The following UGT1A5 variants were observed in gnomAD, a reference collection of about 807,000 sequenced individuals.
UGT1A5 encodes UDP glucuronosyltransferase family 1 member A5.
UGT1A5 carries 29 observed loss-of-function variants against 40.3 expected under a neutral mutation model. The ratio of observed to expected loss-of-function variants is 0.72; its 90% CI spans 0.54 to 0.98. The LOEUF (loss-of-function observed/expected upper bound fraction) is 0.98. Among genes scored for constraint, UGT1A5 ranks in the 50% least tolerant of loss-of-function variants. UGT1A5 has a pLI of 0.00. For missense variants in UGT1A5, 678 were observed against 677.9 expected (o/e 1.00, Z 0.00); for synonymous variants, 257 against 262.5 (o/e 0.98, Z 0.20).
intron 1 of UGT1A5, chr2:233,719,286 C>A (rs1465114425): frequency 1.2e-6 from 2 of 1,614,082 alleles, no homozygotes; most frequent in Non-Finnish European, 1.7e-6. Context: ...CCCCGTTAAC[C>A]TCTGTGGGGC....
rs1208315583 is a variant in UGT1A5, at chr2:233,737,341, G to A, written c.867+23483G>A. 7.9e-5 allele frequency among the ~76,000 whole-genome samples: 12 copies of A among 152,224 alleles called. No homozygotes were observed. In the East Asian group the frequency reaches 2.1e-3, roughly 27 times the overall value. On this transcript the variant is annotated intron_variant, in intron 1 of 4. Coordinates refer to ENST00000373414, the MANE Select transcript of UGT1A5 (RefSeq NM_019078.2). ...CTGCACTAGCAGTGAGCAAGGCTCCGTGGGCATGGGAGCTGCTAAGCCAGG... is the reference window on the plus strand; with the variant it reads ...CTGCACTAGCAGTGAGCAAGGCTCCATGGGCATGGGAGCTGCTAAGCCAGG...
intron 1 of UGT1A5, chr2:233,718,781 G>A (rs767988524): frequency 3.7e-6 from 6 of 1,612,904 alleles, no homozygotes; most frequent in Non-Finnish European, 4.2e-6. Flanking sequence ...AGCAGGCACA[G>A]CGTGGGGTGG....
rs1326860704 is a variant in UGT1A5 at position 233,769,636 on chromosome 2, G to A, written c.1307+1197G>A. ...AGCTTGAGCAAGGGACAACAGGGGA[G>A]GACTGATGACTGACTTCCCACCTTT... On this transcript the variant is annotated intron_variant, in intron 4 of 4. Coordinates refer to ENST00000373414, the MANE Select transcript of UGT1A5 (RefSeq NM_019078.2). This position sits in a 1 kb window ranked among gnomAD's most constrained non-coding sequence, Gnocchi z 4.4. 6.8e-6 allele frequency: 11 copies of A among 1,610,668 alleles called. No homozygotes were observed. Among genetic ancestry groups the A allele is most frequent in the Non-Finnish European group, 8.5e-6 (10 of 1,178,970 alleles).
At chr2:233,736,661 C>T (rs568296788) in intron 1 of UGT1A5, among the ~76,000 whole-genome samples, 1 of 152,264 alleles carries the variant, frequency 6.6e-6, no homozygotes, top group Admixed American at 6.5e-5. Flanking sequence ...GTTTTATGTA[C>T]CTTAGGTCTT....
chr2:233,734,202 G>T (rs1345683418), intron 1 of UGT1A5, among the ~76,000 whole-genome samples: 1 of 152,060 alleles, frequency 6.6e-6, no homozygotes, highest in Non-Finnish European at 1.5e-5. Context: ...CAATTTCAGA[G>T]CCTGTTGTTG....
At position 233,713,507 on chromosome 2, in the gene UGT1A5, C is replaced by T. The variant is rs113654637; in HGVS notation, c.516C>T (p.Phe172=). ...AKYLSIPAVF[F]LRNIPCDLDF... ...ACCTGTCGATTCCTGCTGTGTTTTT[C>T]TTGAGGAACATTCCATGTGATTTAG... The change falls in exon 1 of 5, where the codon TTC becomes TTT. Residue 172 remains phenylalanine (F), a synonymous_variant. Coordinates refer to ENST00000373414, the MANE Select transcript of UGT1A5 (RefSeq NM_019078.2). 65 of 1,613,816 alleles carry T rather than the reference C, an allele frequency of 4.0e-5. No homozygotes were observed. Among genetic ancestry groups the T allele is most frequent in the Admixed American group, 2.7e-4 (16 of 59,982 alleles).
chr2:233,746,953 T>A (rs984665888), intron 1 of UGT1A5, among the ~76,000 whole-genome samples: 1 of 151,790 alleles, frequency 6.6e-6, no homozygotes, highest in Non-Finnish European at 1.5e-5. Context: ...AACAAGAGCT[T>A]GAACTTGGAT....
chr2:233,723,624 C>T (rs1286064208), intron 1 of UGT1A5, among the ~76,000 whole-genome samples: 6 of 104,762 alleles, frequency 5.7e-5, no homozygotes, highest in Admixed American at 2.0e-4. Context: ...GGAAGGTCAG[C>T]AGATAAACAA....
At chr2:233,716,367 TG>T (rs1364638273) in intron 1 of UGT1A5, among the ~76,000 whole-genome samples, 9 of 152,348 alleles carry the variant, frequency 5.9e-5, no homozygotes, top group African/African-American at 2.2e-4. Flanking sequence ...TTTGTGGGGC[TG>T]TGATTCTGCC....
At chr2:233,729,415 A>G (rs914222718) in intron 1 of UGT1A5, 1 of 1,613,668 alleles carries the variant, frequency 6.2e-7, no homozygotes. Flanking sequence ...GCTGGGCCAC[A>G]CTCAACTGTA....
intron 1 of UGT1A5, chr2:233,719,510 T>G: frequency 6.2e-7 from 1 of 1,614,000 alleles, no homozygotes. Flanking sequence ...TTTCTGCCCC[T>G]TATGCAAGTC....
intron 1 of UGT1A5, among the ~76,000 whole-genome samples, chr2:233,764,509 G>A (rs1698579622): frequency 6.6e-6 from 1 of 152,192 alleles, no homozygotes; most frequent in Non-Finnish European, 1.5e-5. Flanking sequence ...GTTCAATTTT[G>A]TGTGAATCAC....
rs1699290986 is a variant in UGT1A5 at position 233,766,960 on chromosome 2, A to T, written c.868-74A>T. 4.4e-6 allele frequency: 7 copies of T among 1,607,258 alleles called. No homozygotes were observed. The South Asian group carries it at 7.8e-5, about 18-fold the overall frequency. On this transcript the variant is annotated intron_variant, in intron 1 of 4. Transcript: ENST00000373414. ...CATAGTCTTAAGAGGAAGATATCTA[A>T]TTCATAACTTACTGTATGTAGTCAT...
chr2:233,765,286 A>G (rs1698795381), intron 1 of UGT1A5, among the ~76,000 whole-genome samples: 1 of 152,246 alleles, frequency 6.6e-6, no homozygotes. Flanking sequence ...AAATTATTCT[A>G]CTATAAAGAC....
intron 1 of UGT1A5, among the ~76,000 whole-genome samples, chr2:233,758,754 A>G (rs888171679): frequency 2.0e-5 from 3 of 152,132 alleles, no homozygotes; most frequent in African/African-American, 7.2e-5. Context: ...CTGGCCAGTG[A>G]TGTGTATGGT....
At chr2:233,766,877 C>T (rs3213726) in intron 1 of UGT1A5, among the ~76,000 whole-genome samples, 157 bp from the exon 2 acceptor site, 1 of 152,218 alleles carries the variant, frequency 6.6e-6, no homozygotes, top group Non-Finnish European at 1.5e-5. Flanking sequence ...GAGGAAAATG[C>T]TGTAAAACTT....
rs974078775 is a variant in UGT1A5, at chr2:233,743,284, C to A, written c.868-23750C>A. 1.2e-4 allele frequency: 61 copies of A among 507,042 alleles called. 3 individuals are homozygous for A. The highest frequency in any genetic ancestry group is 1.0e-3 in the African/African-American group (49 of 48,728). 31.4% of individuals were successfully genotyped at this position (507,042 alleles called of 1,614,324 possible). A position where few individuals can be genotyped will look rare whatever the true frequency, so the allele number is the denominator to read the frequency against. On this transcript the variant is annotated intron_variant, in intron 1 of 4. Transcript: ENST00000373414. ...TTCCTCCACTTCCACCCTTTCTTGG[C>A]CATTCTCAATGATTCTCTTGGTGGT...
chr2:233,768,054 A>G (rs1384127703), intron 3 of UGT1A5, 118 bp downstream of exon 3: 4 of 1,603,256 alleles, frequency 2.5e-6, no homozygotes, highest in East Asian at 4.5e-5. Context: ...CATATCCTAC[A>G]TTGCTTTTTA....
In UGT1A5 at chr2:233,760,861, T is replaced by C. The variant is rs776126400; in HGVS notation, c.868-6173T>C. 1.9e-6 allele frequency: 3 copies of C among 1,614,158 alleles called. No individual in the cohort carries two copies. The South Asian group carries it at 3.3e-5, about 18-fold the overall frequency. The stretch of plus-strand genomic sequence containing the variant: ...TACCCAGTGCCCCAACCCATTCTCC[T>C]ACGTGCCCAGGCCTCTCTCCTCTCA... On this transcript the variant is annotated intron_variant, in intron 1 of 4. Coordinates refer to ENST00000373414, the MANE Select transcript of UGT1A5 (RefSeq NM_019078.2).
Sources: allele counts gnomAD v4.1 joint callset (sites outside exome capture counted in the v4.1 genomes callset), GRCh38; gene constraint gnomAD v4.1.1; non-coding constraint Gnocchi (gnomAD v3.1); transcripts MANE v1.5; gene names NCBI Gene and HGNC (gene_info 2026-07-23, HGNC 2026-07-21).